Variants in PSMD13 observed in about 807,000 individuals in gnomAD.
PSMD13 encodes the protein 26S proteasome non-ATPase regulatory subunit 13.
In PSMD13, 8 loss-of-function variants were observed where a neutral mutation model predicts 57.4. That is an observed-to-expected ratio of 0.14 (90% CI 0.08 to 0.25). The LOEUF (loss-of-function observed/expected upper bound fraction) is 0.25, where lower values mean the gene tolerates loss of function less well. Among genes scored for constraint, PSMD13 ranks in the 10% least tolerant of loss-of-function variants. The probability of loss-of-function intolerance (pLI) is 1.00; values close to 1 mark genes in which losing one functional copy is unlikely to be tolerated. For synonymous variants in PSMD13, 193 were observed against 168.2 expected (o/e 1.15, Z -1.14); for missense variants, 400 against 461.5 (o/e 0.87, Z 1.22).
At position 248,971 on chromosome 11, in the gene PSMD13, C is replaced by G. The variant is rs763997229; in HGVS notation, c.688C>G (p.Arg230Gly). The change falls in exon 9 of 13, where the codon CGG (arginine) becomes GGG (glycine). Residue 230 changes from arginine to glycine, a missense_variant. Physicochemically the swap from Arg to Gly is moderately radical, Grantham distance 125. Coordinates refer to ENST00000532097, the MANE Select transcript of PSMD13 (RefSeq NM_002817.4). ...GCTGGAGTCCCTGAGGAATACTGAC[C>G]GGCAGTGGCTGATTGACACCCTCTA... ...PVLESLRNTD[R>G]QWLIDTLYAF... 6.2e-7 allele frequency: 1 copy of G among 1,614,006 alleles called. No homozygotes were observed. The highest frequency in any genetic ancestry group is 8.5e-7 in the Non-Finnish European group (1 of 1,180,034).
chr11:239,152 T>TAAG, intron 2 of PSMD13, 76 bp downstream of exon 2: 1 of 1,164,572 alleles, frequency 8.6e-7, no homozygotes, highest in Non-Finnish European at 1.3e-6. Flanking sequence ...GGCTTTATGC[T>TAAG]AATAATAATA....
At chr11:243,118 T>C in intron 2 of PSMD13, 1 of 595,692 alleles carries the variant, frequency 1.7e-6, no homozygotes, top group Non-Finnish European at 3.3e-6. Flanking sequence ...CTTTCCCTTT[T>C]TTTACTTCCC....
intron 9 of PSMD13, among the ~76,000 whole-genome samples, chr11:250,528 A>G (rs1234036841): frequency 1.3e-5 from 2 of 152,174 alleles, no homozygotes; most frequent in African/African-American, 2.4e-5. Context: ...GGCCCTGCCT[A>G]ATGGTGTCTG....
intron 8 of PSMD13, 26 bp from the exon 9 acceptor site, chr11:248,906 C>A (rs1288486091): frequency 6.2e-7 from 1 of 1,614,144 alleles, no homozygotes; most frequent in Admixed American, 1.7e-5. Context: ...TAAAGTGTTA[C>A]TAGCTGACCA....
intron 6 of PSMD13, 56 bp downstream of exon 6, chr11:244,817 G>A: frequency 1.5e-6 from 2 of 1,323,740 alleles, no homozygotes; most frequent in Non-Finnish European, 2.1e-6. Flanking sequence ...AAAACCCTAG[G>A]AAAAAAAATA....
intron 2 of PSMD13, among the ~76,000 whole-genome samples, chr11:241,212 C>T (rs1447045354): frequency 1.3e-5 from 2 of 152,168 alleles, no homozygotes; most frequent in African/African-American, 4.8e-5. Context: ...GATCTCAGCT[C>T]GCTGCAACCT....
At chr11:245,681 T>TGTTTGC (rs1554895590) in intron 6 of PSMD13, among the ~76,000 whole-genome samples, 1 of 94,314 alleles carries the variant, frequency 1.1e-5, no homozygotes, top group East Asian at 3.3e-4. Flanking sequence ...TGTGTGTGTG[T>TGTTTGC]TTGCATGTGT....
intron 2 of PSMD13, among the ~76,000 whole-genome samples, chr11:240,154 G>T (rs1017723719): frequency 2.5e-5 from 3 of 121,386 alleles, no homozygotes; most frequent in African/African-American, 8.8e-5. Context: ...TTGTTGCCCG[G>T]GCTGGAGTGC....
At position 251,494 on chromosome 11, in the gene PSMD13, T is replaced by C; in HGVS notation, c.838-52T>C. On this transcript the variant is annotated intron_variant, in intron 10 of 12. Transcript: ENST00000532097. The surrounding 1 kb of genome is among the most constrained non-coding windows in gnomAD (Gnocchi z 4.6). ...ATTGACAAAACATCCTTATCAGTTC[T>C]CTATTTTTATTTGGAAAAATAGTTT... is the stretch of plus-strand genomic sequence containing the variant. The C allele has an allele frequency of 6.9e-7, 1 of 1,440,592 alleles. No individual in the cohort carries two copies. The highest frequency in any genetic ancestry group is 1.2e-5 in the South Asian group (1 of 83,438). The allele number at this position is 1,440,592 out of a possible 1,614,324, so 89.2% of individuals were successfully genotyped here.
chr11:237,542 A>G (rs1012539199), intron 1 of PSMD13, among the ~76,000 whole-genome samples: 1 of 152,194 alleles, frequency 6.6e-6, no homozygotes, highest in Non-Finnish European at 1.5e-5. Flanking sequence ...ACTTTGGGAA[A>G]CATGTTGGTG....
Position 237,013 on chromosome 11 carries a change from C to T in PSMD13, c.-37C>T, listed in dbSNP as rs758400961. ...CAGCCATCCCCGCGGTGCTGACATCCCGGTTGTTCTTCTGTGCCGGGGGTC... is the reference window on the plus strand; with the variant it reads ...CAGCCATCCCCGCGGTGCTGACATCTCGGTTGTTCTTCTGTGCCGGGGGTC... On this transcript the variant is annotated 5_prime_UTR_variant, in exon 1 of 13. Transcript: ENST00000532097. 6.5e-7 allele frequency: 1 copy of T among 1,549,646 alleles called. No individual in the cohort carries two copies. Among genetic ancestry groups the T allele is most frequent in the South Asian group, 1.1e-5 (1 of 89,484 alleles).
At chr11:246,580 G>T (rs1257058140) in intron 6 of PSMD13, among the ~76,000 whole-genome samples, 1 of 152,112 alleles carries the variant, frequency 6.6e-6, no homozygotes, top group African/African-American at 2.4e-5. Context: ...CTGGTCCCTT[G>T]TGTGTGGGCA....
At position 252,739 on chromosome 11, in the gene PSMD13, T is replaced by A; in HGVS notation, c.*139T>A. 1.3e-6 allele frequency: 1 copy of A among 743,578 alleles called. No individual in the cohort carries two copies. Among genetic ancestry groups the A allele is most frequent in the Middle Eastern group, 4.0e-4 (1 of 2,524 alleles). The allele number at this position is 743,578 out of a possible 1,614,324, so 46.1% of individuals were successfully genotyped here. A position where few individuals can be genotyped will look rare whatever the true frequency, so the allele number is the denominator to read the frequency against. On this transcript the variant is annotated 3_prime_UTR_variant, in exon 13 of 13. Coordinates refer to ENST00000532097, the MANE Select transcript of PSMD13 (RefSeq NM_002817.4). The surrounding 1 kb of genome is among the most constrained non-coding windows in gnomAD (Gnocchi z 4.1). Reference sequence around the variant, plus strand: ...TGTCTGAAGTACAGACTGTTCTTGCTCTAAAAACAGGACTGTCCCTGATGG... The same window carrying A: ...TGTCTGAAGTACAGACTGTTCTTGCACTAAAAACAGGACTGTCCCTGATGG...
chr11:243,928 A>G, intron 2 of PSMD13, 113 bp from the exon 3 acceptor site: 2 of 1,080,448 alleles, frequency 1.9e-6, no homozygotes, highest in East Asian at 2.5e-5. Context: ...TGGCTTGCAC[A>G]CTCCCAACTT....
At chr11:248,667 CA>C in intron 7 of PSMD13, 108 bp from the exon 8 acceptor site, 1 of 1,054,688 alleles carries the variant, frequency 9.5e-7, no homozygotes, top group Non-Finnish European at 1.4e-6. Context: ...TTTGTAATAA[CA>C]ACCATTACAA....
At chr11:240,393 G>A (rs1001190808) in intron 2 of PSMD13, among the ~76,000 whole-genome samples, 2 of 152,068 alleles carry the variant, frequency 1.3e-5, no homozygotes, top group African/African-American at 4.8e-5. Flanking sequence ...ATTATAGGCA[G>A]GAGCCACTGT....
chr11:245,641 CGTGT>C (rs4029226), intron 6 of PSMD13, among the ~76,000 whole-genome samples: 8,314 of 122,314 alleles, frequency 0.068, 279 homozygotes, highest in East Asian at 0.14. Flanking sequence ...TGAACCAGAA[CGTGT>C]GTGTGTGTGT....
intron 7 of PSMD13, chr11:248,098 A>G (rs768049810): frequency 7.0e-6 from 1 of 143,702 alleles, no homozygotes; most frequent in Non-Finnish European, 1.5e-5. Flanking sequence ...AATAAAGGGC[A>G]CGTGAAATCC....
At position 239,094 on chromosome 11, in the gene PSMD13, C is replaced by T; in HGVS notation, c.174+18C>T. 6.3e-7 allele frequency: 1 copy of T among 1,595,428 alleles called. No homozygotes were observed. ...TCATTAAGGTAAATAATTTGCTATA[C>T]CAGATTAGATTATATGAATGTGCTC... On this transcript the variant is annotated intron_variant, in intron 2 of 12. Transcript: ENST00000532097.
Sources: allele counts gnomAD v4.1 joint callset (sites outside exome capture counted in the v4.1 genomes callset), GRCh38; gene constraint gnomAD v4.1.1; non-coding constraint Gnocchi (gnomAD v3.1); transcripts MANE v1.5; gene names NCBI Gene and HGNC (gene_info 2026-07-23, HGNC 2026-07-21).